The following KIAA1549L variants were observed in gnomAD, a reference collection of about 807,000 sequenced individuals.
The protein encoded by KIAA1549L is KIAA1549 like.
KIAA1549L carries 88 observed loss-of-function variants against 160.7 expected under a neutral mutation model. The ratio of observed to expected loss-of-function variants is 0.55; its 90% CI spans 0.46 to 0.65. The LOEUF (loss-of-function observed/expected upper bound fraction) is 0.65. Among genes scored for constraint, KIAA1549L ranks in the 30% least tolerant of loss-of-function variants. The probability of loss-of-function intolerance (pLI) is 0.00; values close to 1 mark genes in which losing one functional copy is unlikely to be tolerated. For synonymous variants in KIAA1549L, 950 were observed against 976.7 expected (o/e 0.97, Z 0.51); for missense variants, 2,258 against 2,437.5 (o/e 0.93, Z 1.55).
chr11:33,612,250 C>T (rs1283143324), intron 15 of KIAA1549L, among the ~76,000 whole-genome samples: 1 of 152,018 alleles, frequency 6.6e-6, no homozygotes, highest in Non-Finnish European at 1.5e-5. Flanking sequence ...GCTGTTGACT[C>T]CAGAGACTGC....
At chr11:33,641,262 C>G (rs1851571933) in intron 16 of KIAA1549L, among the ~76,000 whole-genome samples, 1 of 152,100 alleles carries the variant, frequency 6.6e-6, no homozygotes. Context: ...GGGGAAGGTC[C>G]CGGATTGGGG....
At chr11:33,403,610 A>G in intron 1 of KIAA1549L, 1 of 152,370 alleles carries the variant, frequency 6.6e-6, no homozygotes. Context: ...GGACACACAC[A>G]GACACACACA....
intron 3 of KIAA1549L, among the ~76,000 whole-genome samples, chr11:33,547,410 G>A (rs188995330): frequency 6.6e-6 from 1 of 152,312 alleles, no homozygotes; most frequent in East Asian, 1.9e-4. Context: ...CCGCAGCACC[G>A]AGCTCAGGGC....
chr11:33,591,018 G>A (rs1490358217), intron 11 of KIAA1549L, among the ~76,000 whole-genome samples: 21 of 152,186 alleles, frequency 1.4e-4, no homozygotes, highest in Admixed American at 1.3e-3. Flanking sequence ...TCATTTTTCT[G>A]AGCAAGTCTT....
At chr11:33,474,218 A>G (rs1352770263) in intron 1 of KIAA1549L, among the ~76,000 whole-genome samples, 1 of 152,222 alleles carries the variant, frequency 6.6e-6, no homozygotes, top group East Asian at 1.9e-4. Context: ...TTACATTTCA[A>G]CATGAGATTT....
At chr11:33,456,443 C>T (rs558247189) in intron 1 of KIAA1549L, among the ~76,000 whole-genome samples, 1 of 152,258 alleles carries the variant, frequency 6.6e-6, no homozygotes, top group East Asian at 1.9e-4. Context: ...CAGGGTCTCA[C>T]TCTATCACCT....
At chr11:33,552,017 A>T in intron 5 of KIAA1549L, 91 bp from the exon 6 acceptor site, 1 of 1,433,886 alleles carries the variant, frequency 7.0e-7, no homozygotes. Context: ...TCTCATCTAA[A>T]ATCGTGCTGT....
chr11:33,614,545 T>TCC (rs1850733338), intron 15 of KIAA1549L, among the ~76,000 whole-genome samples: 15 of 8,056 alleles, frequency 1.9e-3, no homozygotes, highest in Non-Finnish European at 2.9e-3. Flanking sequence ...TATATATATA[T>TCC]ATATATATAT....
chr11:33,661,051 T>G (rs1852245372), intron 20 of KIAA1549L, 37 bp downstream of exon 20: 1 of 1,557,356 alleles, frequency 6.4e-7, no homozygotes. Flanking sequence ...AAACTTTACC[T>G]GCTTAACACA....
intron 11 of KIAA1549L, 135 bp from the exon 12 acceptor site, chr11:33,591,102 A>C: frequency 1.5e-6 from 1 of 674,810 alleles, no homozygotes; most frequent in Non-Finnish European, 2.6e-6. Flanking sequence ...AATGATGGGG[A>C]TTTGAGTTAA....
At chr11:33,444,162 T>C (rs1332450677) in intron 1 of KIAA1549L, among the ~76,000 whole-genome samples, 2 of 152,238 alleles carry the variant, frequency 1.3e-5, no homozygotes, top group East Asian at 3.8e-4. Flanking sequence ...TATGATTTAT[T>C]TCTTTATTAA....
chr11:33,625,125 A>G (rs1330143312), intron 16 of KIAA1549L, among the ~76,000 whole-genome samples: 1 of 151,670 alleles, frequency 6.6e-6, no homozygotes, highest in African/African-American at 2.4e-5. Flanking sequence ...TCCATGGTGT[A>G]TATGTGCCAC....
intron 1 of KIAA1549L, among the ~76,000 whole-genome samples, chr11:33,431,897 G>C (rs979321820): frequency 2.0e-5 from 3 of 152,252 alleles, no homozygotes; most frequent in Non-Finnish European, 4.4e-5. Context: ...CCACGGGAAG[G>C]CAGCTAAGGC....
chr11:33,489,591 C>A (rs749788956), intron 1 of KIAA1549L, among the ~76,000 whole-genome samples: 50 of 152,136 alleles, frequency 3.3e-4, no homozygotes, highest in Middle Eastern at 3.2e-3. Flanking sequence ...CATTCAGAGG[C>A]CCAGGCTGAT....
At position 33,545,250 on chromosome 11, in the gene KIAA1549L, G is replaced by A. The variant is rs766833204; in HGVS notation, c.3257G>A (p.Arg1086Gln). The change falls in exon 3 of 21, where the codon CGG becomes CAG. Residue 1086 changes from arginine (R) to glutamine (Q), a missense_variant. Physicochemically the swap from Arg to Gln is conservative, Grantham distance 43. This residue lies in a region of KIAA1549L where 1,359 missense variants were observed against 1,546.6 expected (regional missense o/e 0.88). Transcript: ENST00000658780. ...TSITASVKAT[R>Q]LPPLRAENTD... is the part of the protein sequence containing the mutation. Reference sequence around the variant, plus strand: ...ATTACAGCCTCAGTGAAGGCCACCCGGTTGCCACCATTGCGAGCAGAAAAC... The same window carrying A: ...ATTACAGCCTCAGTGAAGGCCACCCAGTTGCCACCATTGCGAGCAGAAAAC... 9.3e-6 allele frequency: 15 copies of A among 1,614,004 alleles called. No individual in the cohort carries two copies. The highest frequency in any genetic ancestry group is 2.7e-5 in the African/African-American group (2 of 75,038).
At chr11:33,612,939 CT>C (rs1210867533) in intron 15 of KIAA1549L, among the ~76,000 whole-genome samples, 4 of 152,148 alleles carry the variant, frequency 2.6e-5, no homozygotes, top group African/African-American at 9.7e-5. Context: ...TGATCTTGTT[CT>C]TTATTATGGC....
At chr11:33,553,092 G>A (rs571104579) in intron 6 of KIAA1549L, among the ~76,000 whole-genome samples, 2 of 152,254 alleles carry the variant, frequency 1.3e-5, no homozygotes, top group African/African-American at 4.8e-5. Context: ...CCCTGTAGGG[G>A]CTGCTTTTAT....
chr11:33,398,813 G>A (rs920688637), intron 1 of KIAA1549L, among the ~76,000 whole-genome samples: 1 of 152,068 alleles, frequency 6.6e-6, no homozygotes, highest in Non-Finnish European at 1.5e-5. Flanking sequence ...TGAATCTTAG[G>A]ATTCAAGTTC....
intron 1 of KIAA1549L, among the ~76,000 whole-genome samples, chr11:33,464,057 A>G (rs1331575110): frequency 2.0e-5 from 3 of 152,208 alleles, no homozygotes; most frequent in Non-Finnish European, 2.9e-5. Context: ...ATTTGATCCT[A>G]TGATAACACT....
Sources: gnomAD v4.1 joint callset for allele counts (sites outside exome capture counted in the v4.1 genomes callset) on GRCh38, gnomAD v4.1.1 for gene constraint, gnomAD v4.1.1 regional missense constraint, MANE v1.5 for transcripts, NCBI Gene and HGNC (gene_info 2026-07-23, HGNC 2026-07-21) for gene names.